GRIK2: variants seen among roughly 807,000 people sequenced by gnomAD.
GRIK2 encodes the protein glutamate receptor ionotropic, kainate 2.
A neutral mutation model predicts 100.3 loss-of-function variants in GRIK2; 32 were observed. The observed-to-expected ratio is 0.32, with a 90% CI of 0.24 to 0.43. The LOEUF (loss-of-function observed/expected upper bound fraction) is 0.43. Among genes scored for constraint, GRIK2 ranks in the 20% least tolerant of loss-of-function variants. GRIK2 has a pLI of 1.00. For synonymous variants in GRIK2, 417 were observed against 389.4 expected (o/e 1.07, Z -0.83); for missense variants, 843 against 1,114.9 (o/e 0.76, Z 3.47).
At chr6:101,813,577 T>A (rs552616194) in intron 9 of GRIK2, among the ~76,000 whole-genome samples, 2 of 152,296 alleles carry the variant, frequency 1.3e-5, no homozygotes, top group South Asian at 4.1e-4. Context: ...CTTTACAAAT[T>A]ATATCAAAAT....
chr6:101,676,045 G>T (rs943066854), intron 4 of GRIK2, among the ~76,000 whole-genome samples: 4 of 152,132 alleles, frequency 2.6e-5, no homozygotes, highest in Admixed American at 2.6e-4. Flanking sequence ...GTTCATTAAA[G>T]GCAATCTAGA....
At chr6:101,420,534 T>C (rs1278102836) in intron 2 of GRIK2, among the ~76,000 whole-genome samples, 3 of 152,162 alleles carry the variant, frequency 2.0e-5, no homozygotes, top group Admixed American at 6.5e-5. Context: ...TTGTTAGATA[T>C]ACAGATTCTC....
At chr6:101,466,828 T>C (rs966621970) in intron 2 of GRIK2, among the ~76,000 whole-genome samples, 13 of 152,206 alleles carry the variant, frequency 8.5e-5, no homozygotes, top group African/African-American at 2.9e-4. Flanking sequence ...GGTTGAAATC[T>C]AGAAATGTTT....
intron 14 of GRIK2, among the ~76,000 whole-genome samples, chr6:101,943,435 T>C (rs1424966788): frequency 2.0e-5 from 3 of 152,116 alleles, no homozygotes; most frequent in Non-Finnish European, 2.9e-5. Flanking sequence ...CTCCAGACTC[T>C]AGAATAGCAG....
chr6:102,001,331 T>C (rs1794930797), intron 14 of GRIK2, among the ~76,000 whole-genome samples: 1 of 151,948 alleles, frequency 6.6e-6, no homozygotes, highest in Admixed American at 6.6e-5. Context: ...GCATTAGGTA[T>C]TTGTCCCAAT....
At chr6:101,455,727 T>C (rs560136754) in intron 2 of GRIK2, among the ~76,000 whole-genome samples, 1 of 152,198 alleles carries the variant, frequency 6.6e-6, no homozygotes, top group African/African-American at 2.4e-5. Context: ...CATATGAACA[T>C]GACATAAAAC....
intron 7 of GRIK2, among the ~76,000 whole-genome samples, chr6:101,775,914 T>C (rs1223269122): frequency 6.6e-6 from 1 of 152,030 alleles, no homozygotes; most frequent in Non-Finnish European, 1.5e-5. Context: ...AATTCATATA[T>C]TTTTAAAGGT....
chr6:101,963,278 A>ATTTTTTTTTTTTTTTTTTTTTT lies in GRIK2; in HGVS notation c.2085+34662_2085+34683dup, dbSNP rs3029099. 7.2e-5 allele frequency among the ~76,000 whole-genome samples: 2 copies of ATTTTTTTTTTTTTTTTTTTTTT among 27,844 alleles called. 1 individual carries two copies. The highest frequency in any genetic ancestry group is 1.4e-4 in the Non-Finnish European group (2 of 14,018). The allele number at this position is 27,844 out of a possible 152,430, so 18.3% of individuals were successfully genotyped here. A position where few individuals can be genotyped will look rare whatever the true frequency, so the allele number is the denominator to read the frequency against. ...TATTTCATATTTATACTTATTTAGGATTTTTTTTTTTTTTTTTTTTTTTTT... is the reference window on the plus strand; with the variant it reads ...TATTTCATATTTATACTTATTTAGGATTTTTTTTTTTTTTTTTTTTTTTTTTTTTTTTTTTTTTTTTTTTTTT... On this transcript the variant is annotated intron_variant, in intron 14 of 16. Transcript: ENST00000369134.
intron 2 of GRIK2, among the ~76,000 whole-genome samples, chr6:101,537,111 T>C (rs918025511): frequency 2.0e-5 from 3 of 151,682 alleles, no homozygotes; most frequent in Non-Finnish European, 4.4e-5. Context: ...GCCGGAGAAG[T>C]TAAAGTGCTC....
At chr6:101,574,474 T>G (rs1008725655) in intron 2 of GRIK2, among the ~76,000 whole-genome samples, 1 of 151,018 alleles carries the variant, frequency 6.6e-6, no homozygotes, top group Non-Finnish European at 1.5e-5. Context: ...AACCCTTTTT[T>G]TTAAGAAGGA....
chr6:101,556,948 G>C (rs1197577712), intron 2 of GRIK2, among the ~76,000 whole-genome samples: 1 of 151,944 alleles, frequency 6.6e-6, no homozygotes, highest in Non-Finnish European at 1.5e-5. Flanking sequence ...TTATGTCATT[G>C]AAGTTTGAAT....
intron 14 of GRIK2, among the ~76,000 whole-genome samples, chr6:101,931,395 C>G (rs1790276448): frequency 1.3e-5 from 2 of 152,210 alleles, no homozygotes; most frequent in Non-Finnish European, 1.5e-5. Context: ...ACTAATTTAG[C>G]AAGACCTTGC....
intron 15 of GRIK2, among the ~76,000 whole-genome samples, chr6:102,047,682 G>A (rs1770966984): frequency 6.6e-6 from 1 of 151,874 alleles, no homozygotes; most frequent in African/African-American, 2.4e-5. Context: ...CCAGGAGGCA[G>A]AGGTTGCAGT....
chr6:101,443,454 G>A (rs1490009074), intron 2 of GRIK2, among the ~76,000 whole-genome samples: 1 of 152,078 alleles, frequency 6.6e-6, no homozygotes, highest in African/African-American at 2.4e-5. Context: ...AATAAATTAT[G>A]TGGCAGTATT....
At chr6:101,438,369 G>A (rs994000638) in intron 2 of GRIK2, among the ~76,000 whole-genome samples, 2 of 152,048 alleles carry the variant, frequency 1.3e-5, no homozygotes, top group African/African-American at 2.4e-5. Flanking sequence ...AGAATGATAC[G>A]TTCTGAAGTG....
chr6:101,653,457 G>A (rs1781911032), intron 4 of GRIK2, among the ~76,000 whole-genome samples: 1 of 151,792 alleles, frequency 6.6e-6, no homozygotes, highest in Admixed American at 6.6e-5. Flanking sequence ...ATCAATGCCA[G>A]GCAAAGTGAA....
chr6:101,588,814 C>A (rs1190348429), intron 2 of GRIK2, among the ~76,000 whole-genome samples: 1 of 151,894 alleles, frequency 6.6e-6, no homozygotes, highest in Admixed American at 6.6e-5. Flanking sequence ...TACACAAGAA[C>A]TTAAAGTATA....
intron 11 of GRIK2, among the ~76,000 whole-genome samples, chr6:101,882,958 ATTAT>A (rs1191223104): frequency 1.3e-5 from 2 of 152,202 alleles, no homozygotes; most frequent in African/African-American, 2.4e-5. Context: ...GTTATTGACT[ATTAT>A]TTATCATAGC....
intron 2 of GRIK2, among the ~76,000 whole-genome samples, chr6:101,587,538 T>C (rs548433903): frequency 6.6e-6 from 1 of 152,114 alleles, no homozygotes; most frequent in African/African-American, 2.4e-5. Flanking sequence ...GAGCTAATGA[T>C]AGATAAATTT....
Sources: allele counts gnomAD v4.1 joint callset (sites outside exome capture counted in the v4.1 genomes callset), GRCh38; gene constraint gnomAD v4.1.1; transcripts MANE v1.5; gene names NCBI Gene and HGNC (gene_info 2026-07-23, HGNC 2026-07-21).